Variants in KCNH8 observed in about 807,000 individuals in gnomAD.
The protein encoded by KCNH8 is potassium voltage-gated channel subfamily H member 8, also known as voltage-gated delayed rectifier potassium channel KCNH8.
Under a neutral mutation model 103.6 loss-of-function variants are expected in KCNH8, and 70 were observed. The observed-to-expected ratio is 0.68, with a 90% confidence interval of 0.56 to 0.82. The LOEUF (loss-of-function observed/expected upper bound fraction) is 0.82, where lower values mean the gene tolerates loss of function less well. KCNH8 is among the 40% of genes least tolerant of loss of function. The pLI, the probability that KCNH8 is intolerant of heterozygous loss-of-function variation, is 0.00. For synonymous variants in KCNH8, 498 were observed against 489.4 expected (o/e 1.02, Z -0.23); for missense variants, 1,217 against 1,329.9 (o/e 0.92, Z 1.32).
chr3:19,175,143 A>G (rs2063384941), intron 1 of KCNH8, among the ~76,000 whole-genome samples: 1 of 152,072 alleles, frequency 6.6e-6, no homozygotes, highest in Non-Finnish European at 1.5e-5. Context: ...ATATAGTAAT[A>G]TAGAGATACT....
chr3:19,467,713 G>A (rs576067503), intron 11 of KCNH8, among the ~76,000 whole-genome samples: 6 of 152,262 alleles, frequency 3.9e-5, no homozygotes, highest in African/African-American at 1.4e-4. Flanking sequence ...ATGACCTCAA[G>A]GCTACAGGAG....
At chr3:19,269,571 G>GAC (rs1341733663) in intron 2 of KCNH8, among the ~76,000 whole-genome samples, 1 of 152,004 alleles carries the variant, frequency 6.6e-6, no homozygotes. Context: ...GCATATAAGA[G>GAC]ACAGCCAGAG....
At chr3:19,412,259 C>T (rs1413252644) in intron 7 of KCNH8, among the ~76,000 whole-genome samples, 1 of 151,938 alleles carries the variant, frequency 6.6e-6, no homozygotes, top group African/African-American at 2.4e-5. Context: ...GCCATCTAAT[C>T]TTTGATGAAG....
chr3:19,486,841 T>C (rs891525203), intron 11 of KCNH8, among the ~76,000 whole-genome samples: 1 of 152,188 alleles, frequency 6.6e-6, no homozygotes, highest in African/African-American at 2.4e-5. Flanking sequence ...TAGGTTCCAG[T>C]AGGCTGCAGA....
At chr3:19,407,622 A>G (rs2066713143) in intron 7 of KCNH8, among the ~76,000 whole-genome samples, 1 of 151,816 alleles carries the variant, frequency 6.6e-6, no homozygotes, top group Non-Finnish European at 1.5e-5. Flanking sequence ...CTGCCCCACC[A>G]TTCCTAGACA....
intron 8 of KCNH8, among the ~76,000 whole-genome samples, chr3:19,440,661 G>A (rs2067269496): frequency 6.6e-6 from 1 of 152,078 alleles, no homozygotes; most frequent in Non-Finnish European, 1.5e-5. Flanking sequence ...TACAATTCAA[G>A]GTGAGATTTT....
intron 11 of KCNH8, among the ~76,000 whole-genome samples, chr3:19,483,023 T>A (rs2068120528): frequency 1.3e-5 from 2 of 151,728 alleles, no homozygotes; most frequent in Admixed American, 1.3e-4. Flanking sequence ...TGTATGATTT[T>A]TTTTCAGGGG....
At chr3:19,527,605 C>A (rs1162819400) in intron 15 of KCNH8, among the ~76,000 whole-genome samples, 1 of 152,038 alleles carries the variant, frequency 6.6e-6, no homozygotes, top group Non-Finnish European at 1.5e-5. Context: ...TGTAGGGCAA[C>A]AATAACTATT....
At chr3:19,456,653 C>A in intron 10 of KCNH8, 115 bp from the exon 11 acceptor site, 1 of 686,360 alleles carries the variant, frequency 1.5e-6, no homozygotes, top group Non-Finnish European at 2.5e-6. Context: ...CCAAGGTAAA[C>A]ATTCTTCTCT....
chr3:19,430,451 G>C lies in KCNH8; in HGVS notation c.1178-7713G>C, dbSNP rs113282731. Reference sequence around the variant, plus strand: ...GTTTTTATTTGTTTTGCTTAGGATTGTCTTGGCTATTCAGGCCCTTTTTTG... The same window carrying C: ...GTTTTTATTTGTTTTGCTTAGGATTCTCTTGGCTATTCAGGCCCTTTTTTG... On this transcript the variant is annotated intron_variant, in intron 7 of 15. Transcript: ENST00000328405. 4.0e-3 allele frequency among the ~76,000 whole-genome samples: 611 copies of C among 151,958 alleles called. 5 individuals are homozygous for C. The highest frequency in any genetic ancestry group is 0.017 in the Middle Eastern group (5 of 294).
In KCNH8 at chr3:19,519,588, T is replaced by C. The variant is rs576301962; in HGVS notation, c.2619+1514T>C. ...GAATACTAGATGGTCCACTAACTGGTTTGAAAATACTTAAATCACAAAGAC... is the reference window on the plus strand; with the variant it reads ...GAATACTAGATGGTCCACTAACTGGCTTGAAAATACTTAAATCACAAAGAC... On this transcript the variant is annotated intron_variant, in intron 15 of 15. Transcript: ENST00000328405. Among the ~76,000 whole-genome samples the C allele has an allele frequency of 2.1e-5, 3 of 144,658 alleles. No individual in the cohort carries two copies. The East Asian group carries it at 6.0e-4, about 29-fold the overall frequency. 94.9% of individuals were successfully genotyped at this position (144,658 alleles called of 152,430 possible).
At chr3:19,401,185 T>C (rs548558789) in intron 7 of KCNH8, among the ~76,000 whole-genome samples, 2 of 152,098 alleles carry the variant, frequency 1.3e-5, no homozygotes, top group African/African-American at 4.8e-5. Flanking sequence ...CCTCCTTTTT[T>C]AAACAAACTC....
chr3:19,433,674 GT>G (rs779812882), intron 7 of KCNH8, among the ~76,000 whole-genome samples: 1 of 152,166 alleles, frequency 6.6e-6, no homozygotes, highest in Non-Finnish European at 1.5e-5. Context: ...TATCTCAAAA[GT>G]AGATTGTACT....
chr3:19,336,691 G>A (rs948499907), intron 3 of KCNH8, among the ~76,000 whole-genome samples: 9 of 151,714 alleles, frequency 5.9e-5, no homozygotes, highest in South Asian at 2.1e-4. Context: ...TGTTTTTAAC[G>A]TTTTTCAATG....
chr3:19,506,163 C>T (rs935181186), intron 11 of KCNH8, among the ~76,000 whole-genome samples: 17 of 152,104 alleles, frequency 1.1e-4, no homozygotes, highest in African/African-American at 3.9e-4. Flanking sequence ...GGCATTTCAG[C>T]GATTTCAACC....
At chr3:19,417,948 A>G (rs2066888264) in intron 7 of KCNH8, among the ~76,000 whole-genome samples, 2 of 152,234 alleles carry the variant, frequency 1.3e-5, no homozygotes, top group Non-Finnish European at 2.9e-5. Context: ...CTCATTAGAA[A>G]ATCAAGGTGG....
At chr3:19,234,972 T>A (rs1421787724) in intron 1 of KCNH8, among the ~76,000 whole-genome samples, 1 of 152,228 alleles carries the variant, frequency 6.6e-6, no homozygotes, top group Non-Finnish European at 1.5e-5. Flanking sequence ...GCTGGGTAAA[T>A]AATTATCTTA....
intron 7 of KCNH8, among the ~76,000 whole-genome samples, chr3:19,433,660 T>A (rs1038827873): frequency 2.6e-5 from 4 of 152,210 alleles, no homozygotes; most frequent in African/African-American, 7.2e-5. Flanking sequence ...TTGTTTCAGG[T>A]GTTTATCTCA....
chr3:19,173,196 T>C (rs893588076), intron 1 of KCNH8, among the ~76,000 whole-genome samples: 1 of 152,008 alleles, frequency 6.6e-6, no homozygotes, highest in African/African-American at 2.4e-5. Context: ...AATGCCATGC[T>C]GTATTTCTTA....
Sources: gnomAD v4.1 joint callset for allele counts (sites outside exome capture counted in the v4.1 genomes callset) on GRCh38, gnomAD v4.1.1 for gene constraint, MANE v1.5 for transcripts, NCBI Gene and HGNC (gene_info 2026-07-23, HGNC 2026-07-21) for gene names.